LAMA1: variants seen among roughly 807,000 people sequenced by gnomAD.
LAMA1 encodes the protein laminin subunit alpha-1.
In LAMA1, 219 loss-of-function variants were observed where a neutral mutation model predicts 348.7. The ratio of observed to expected loss-of-function variants is 0.63; its 90% CI spans 0.56 to 0.70. The LOEUF (loss-of-function observed/expected upper bound fraction) is 0.70. Ranked by LOEUF, LAMA1 falls within the 30% of genes least tolerant of loss-of-function variation. The probability of loss-of-function intolerance (pLI) is 0.00; values close to 1 mark genes in which losing one functional copy is unlikely to be tolerated. For missense variants in LAMA1, 3,744 were observed against 3,888.0 expected (o/e 0.96, Z 0.99); for synonymous variants, 1,487 against 1,491.0 (o/e 1.00, Z 0.06).
intron 1 of LAMA1, among the ~76,000 whole-genome samples, chr18:7,104,582 G>C (rs142400602): frequency 6.6e-6 from 1 of 152,194 alleles, no homozygotes; most frequent in Non-Finnish European, 1.5e-5. Flanking sequence ...CAGAATGGTC[G>C]AGATGTGGTT....
intron 56 of LAMA1, chr18:6,956,359 T>C (rs1006334139): frequency 1.3e-4 from 74 of 584,372 alleles, no homozygotes; most frequent in Admixed American, 2.3e-5. Flanking sequence ...TGATAATGAG[T>C]CCTTATAGAA....
rs1207512318 is a variant in LAMA1, at chr18:6,982,576, A to T, written c.5811T>A (p.Leu1937=). Residue 1937 remains leucine, a synonymous_variant, in exon 41 of 63, where the codon CTT becomes CTA. Transcript: ENST00000389658. ...GCACGGCCGCTTTCCCGTTAGAAACAAGGGATTCTGAGAGCTGGAAAACAG... is the reference window on the plus strand; with the variant it reads ...GCACGGCCGCTTTCCCGTTAGAAACTAGGGATTCTGAGAGCTGGAAAACAG... ...VTETSLLSES[L]VSNGKAAVQR... 3 of 1,614,032 alleles carry T rather than the reference A, an allele frequency of 1.9e-6. No homozygotes were observed. The African/African-American group carries it at 4.0e-5, about 22-fold the overall frequency.
chr18:7,038,986 A>C (rs1225089967), intron 10 of LAMA1, 36 bp from the exon 11 acceptor site: 1 of 1,552,506 alleles, frequency 6.4e-7, no homozygotes, highest in Admixed American at 1.7e-5. Context: ...TTTTGAAACC[A>C]ATGTGTCTGT....
At chr18:6,958,076 T>C (rs1479614040) in intron 55 of LAMA1, among the ~76,000 whole-genome samples, 1 of 152,180 alleles carries the variant, frequency 6.6e-6, no homozygotes, top group East Asian at 1.9e-4. Context: ...GTAATTGTTT[T>C]TGGGGAAGCC....
rs774865330 is a variant in LAMA1 at position 7,008,515 on chromosome 18, A to T, written c.4095T>A (p.Pro1365=). The T allele has an allele frequency of 6.2e-7, 1 of 1,614,118 alleles. No individual in the cohort carries two copies. The highest frequency in any genetic ancestry group is 8.5e-7 in the Non-Finnish European group (1 of 1,179,970). The change falls in exon 28 of 63, where the codon CCT becomes CCA. Residue 1365 remains proline, a synonymous_variant. Transcript: ENST00000389658. ...GACATGAGAATCCCACAGTGCCAGG[A>T]GGACAGACACAATTCTCTAAAAGAG... ...VASLLENCVC[P]PGTVGFSCQD...
intron 62 of LAMA1, 97 bp from the exon 63 acceptor site, chr18:6,942,336 T>C (rs2057502507): frequency 7.5e-7 from 1 of 1,329,804 alleles, no homozygotes; most frequent in African/African-American, 1.5e-5. Flanking sequence ...CGGGTTTTTT[T>C]ATTTTTTAAA....
chr18:6,975,476 C>T (rs576496509), intron 45 of LAMA1, among the ~76,000 whole-genome samples: 2 of 152,356 alleles, frequency 1.3e-5, no homozygotes, highest in Non-Finnish European at 2.9e-5. Flanking sequence ...CTCCTGAAGA[C>T]ATTTCAGATA....
intron 1 of LAMA1, among the ~76,000 whole-genome samples, chr18:7,111,486 A>G (rs985430459): frequency 7.2e-5 from 11 of 152,318 alleles, no homozygotes; most frequent in Admixed American, 2.0e-4. Context: ...ATTTATTATC[A>G]AATGGTTACT....
At chr18:6,955,578 C>A in intron 56 of LAMA1, 113 bp from the exon 57 acceptor site, 1 of 746,942 alleles carries the variant, frequency 1.3e-6, no homozygotes, top group Non-Finnish European at 2.4e-6. Context: ...AGAACAGCAA[C>A]AACCACCAGT....
chr18:7,038,733 C>G (rs1165703858), intron 11 of LAMA1, 77 bp downstream of exon 11: 4 of 1,588,630 alleles, frequency 2.5e-6, no homozygotes, highest in Admixed American at 3.3e-5. Flanking sequence ...TCCTCATTTC[C>G]TCCTCACACA....
intron 3 of LAMA1, among the ~76,000 whole-genome samples, chr18:7,070,795 T>A (rs761758948): frequency 2.0e-5 from 3 of 151,920 alleles, no homozygotes; most frequent in Non-Finnish European, 4.4e-5. Flanking sequence ...AAGACTATTA[T>A]ACATTTTTAC....
chr18:7,117,689 A>G lies in LAMA1; in HGVS notation c.32T>C (p.Leu11Pro). 1 of 1,598,430 alleles carries G rather than the reference A, an allele frequency of 6.3e-7. No homozygotes were observed. Among genetic ancestry groups the G allele is most frequent in the Non-Finnish European group, 8.5e-7 (1 of 1,178,430 alleles). The change falls in exon 1 of 63, where the codon CTG becomes CCG. Residue 11 changes from leucine to proline, a missense_variant. Physicochemically the swap from Leu to Pro is moderately conservative, Grantham distance 98. Coordinates refer to ENST00000389658, the MANE Select transcript of LAMA1 (RefSeq NM_005559.4). MRGGVLLVLL[L>P]CVAAQCRQRG... is the part of the protein sequence containing the mutation. ...CTGCCGGCACTGCGCGGCGACACAC[A>G]GCAGCAAGACCAGGAGCACGCCCCC...
chr18:7,027,627 G>A (rs1489381226), intron 16 of LAMA1, among the ~76,000 whole-genome samples: 1 of 152,042 alleles, frequency 6.6e-6, no homozygotes. Context: ...TCATAGAGAT[G>A]ATGGAATTGG....
intron 3 of LAMA1, among the ~76,000 whole-genome samples, chr18:7,053,848 A>G (rs980212589): frequency 6.7e-6 from 1 of 149,618 alleles, no homozygotes; most frequent in Admixed American, 6.7e-5. Context: ...CAATGGCACG[A>G]TATCAGCTCA....
At chr18:7,017,485 G>A in intron 19 of LAMA1, 101 bp from the exon 20 acceptor site, 1 of 822,690 alleles carries the variant, frequency 1.2e-6, no homozygotes, top group South Asian at 1.4e-5. Context: ...AACTTTCAAT[G>A]TTTCAAATCA....
chr18:7,083,326 C>T (rs1204080032), intron 1 of LAMA1, among the ~76,000 whole-genome samples: 1 of 151,614 alleles, frequency 6.6e-6, no homozygotes. Context: ...GCTGGGATTA[C>T]ACATGCGCAC....
intron 20 of LAMA1, 91 bp downstream of exon 20, chr18:7,017,187 T>G: frequency 1.0e-6 from 1 of 978,894 alleles, no homozygotes; most frequent in Non-Finnish European, 1.6e-6. Flanking sequence ...GAGAACAAAC[T>G]AATACACTTG....
In LAMA1 at chr18:6,942,074, G is replaced by A; in HGVS notation, c.*5C>T. On this transcript the variant is annotated 3_prime_UTR_variant, in exon 63 of 63. Transcript: ENST00000389658. ...ATGATTCCAACTGAGGATTCTGCTT[G>A]AAGTTCAGGACTCGGTCCCAGGACA... 2 of 1,614,048 alleles carry A rather than the reference G, an allele frequency of 1.2e-6. No homozygotes were observed. The highest frequency in any genetic ancestry group is 1.1e-5 in the South Asian group (1 of 91,068).
At chr18:7,047,735 A>G (rs1351614278) in intron 5 of LAMA1, among the ~76,000 whole-genome samples, 1 of 152,190 alleles carries the variant, frequency 6.6e-6, no homozygotes, top group Non-Finnish European at 1.5e-5. Context: ...TAAACCCACA[A>G]TAATAAGGTT....
Sources: allele counts gnomAD v4.1 joint callset (sites outside exome capture counted in the v4.1 genomes callset), GRCh38; gene constraint gnomAD v4.1.1; transcripts MANE v1.5; gene names NCBI Gene and HGNC (gene_info 2026-07-23, HGNC 2026-07-21).